The following DCLK3 variants were observed in gnomAD, a reference collection of about 807,000 sequenced individuals.
DCLK3 encodes doublecortin like kinase 3.
In DCLK3, 30 loss-of-function variants were observed where a neutral mutation model predicts 46.4. The observed-to-expected ratio is 0.65, with a 90% CI of 0.48 to 0.88. The LOEUF (loss-of-function observed/expected upper bound fraction) is 0.88, where lower values mean the gene tolerates loss of function less well. Among genes scored for constraint, DCLK3 ranks in the 40% least tolerant of loss-of-function variants. The probability of loss-of-function intolerance (pLI) is 0.00; values close to 1 mark genes in which losing one functional copy is unlikely to be tolerated. For synonymous variants in DCLK3, 401 were observed against 339.2 expected, an observed-to-expected ratio of 1.18 and a Z score of -2.00; for missense variants, 846 against 907.1, an observed-to-expected ratio of 0.93 and a Z score of 0.87.
At position 36,737,690 on chromosome 3, in the gene DCLK3, C is replaced by G; in HGVS notation, c.1477G>C (p.Glu493Gln). Residue 493 changes from glutamate (E) to glutamine (Q), a missense_variant, in exon 2 of 5, where the codon GAG becomes CAG. This residue lies in a region of DCLK3 where 553 missense variants were observed against 543.0 expected (regional missense o/e 1.02). Coordinates refer to ENST00000636136, the MANE Select transcript of DCLK3 (RefSeq NM_001394672.2). The surrounding 1 kb of genome is among the most constrained non-coding windows in gnomAD (Gnocchi z 4.4). ...RDDQPAKLEK[E>Q]PKTRPEENKP... is the part of the protein sequence containing the mutation. ...TTCTCTTCTGGCCTCGTCTTGGGCT[C>G]CTTTTCTAGCTTTGCAGGTTGGTCA... The G allele has an allele frequency of 1.2e-6, 2 of 1,613,790 alleles. No individual in the cohort carries two copies. The highest frequency in any genetic ancestry group is 1.7e-6 in the Non-Finnish European group (2 of 1,179,928).
At chr3:36,741,874 G>A (rs142626452) in intron 1 of DCLK3, among the ~76,000 whole-genome samples, 1 of 152,168 alleles carries the variant, frequency 6.6e-6, no homozygotes, top group Non-Finnish European at 1.5e-5. Context: ...AGCAGACCTG[G>A]GGAGCTAAAT....
chr3:36,763,010 C>T (rs1317115376), intron 1 of DCLK3, among the ~76,000 whole-genome samples: 1 of 152,008 alleles, frequency 6.6e-6, no homozygotes, highest in Non-Finnish European at 1.5e-5. Flanking sequence ...CAATGCTTGC[C>T]TATTGCTGTA....
chr3:36,755,608 G>A (rs960527599), intron 1 of DCLK3, among the ~76,000 whole-genome samples: 2 of 152,074 alleles, frequency 1.3e-5, no homozygotes, highest in African/African-American at 4.8e-5. Flanking sequence ...TCAAACTACT[G>A]AAGAGGAGGG....
intron 1 of DCLK3, among the ~76,000 whole-genome samples, chr3:36,756,169 C>T (rs933336401): frequency 6.6e-6 from 1 of 152,254 alleles, no homozygotes; most frequent in Non-Finnish European, 1.5e-5. Context: ...GAGTAGGTTA[C>T]TGCTATGGCC....
chr3:36,720,001 C>T (rs756512183), intron 3 of DCLK3, among the ~76,000 whole-genome samples: 16 of 152,216 alleles, frequency 1.1e-4, no homozygotes, highest in Non-Finnish European at 1.6e-4. Flanking sequence ...CCAACTGATA[C>T]GGTTTGGATA....
intron 1 of DCLK3, among the ~76,000 whole-genome samples, chr3:36,748,985 T>C (rs555579846): frequency 3.3e-5 from 5 of 152,272 alleles, no homozygotes; most frequent in African/African-American, 1.2e-4. Flanking sequence ...GACCTCCCCC[T>C]GGGGACAGCT....
In DCLK3 at chr3:36,764,268, C is replaced by T. The variant is rs1701565794; in HGVS notation, c.-5G>A. The T allele has an allele frequency of 4.0e-6, 1 of 247,034 alleles. No individual in the cohort carries two copies. The highest frequency in any genetic ancestry group is 7.7e-6 in the Non-Finnish European group (1 of 130,514). 15.3% of individuals were successfully genotyped at this position (247,034 alleles called of 1,614,324 possible). A position where few individuals can be genotyped will look rare whatever the true frequency, so the allele number is the denominator to read the frequency against. On this transcript the variant is annotated 5_prime_UTR_variant, in exon 1 of 5. Transcript: ENST00000636136. This position sits in a 1 kb window ranked among gnomAD's most constrained non-coding sequence, Gnocchi z 4.9. ...GGCTGGAGTGGCGGCGGGCATGGCGCGGCGGCGGGCTCGGGGAGAGCCTGG... is the reference window on the plus strand; with the variant it reads ...GGCTGGAGTGGCGGCGGGCATGGCGTGGCGGCGGGCTCGGGGAGAGCCTGG...
At position 36,729,379 on chromosome 3, in the gene DCLK3, G is replaced by A. The variant is rs114411262; in HGVS notation, c.1960-7720C>T. Among the ~76,000 whole-genome samples, 389 of 152,146 alleles carry A rather than the reference G, an allele frequency of 2.6e-3. 1 individual carries two copies. The highest frequency in any genetic ancestry group is 8.8e-3 in the African/African-American group (367 of 41,520). Reference sequence around the variant, plus strand: ...CATGTTCTTGCTGGGGCTCATTTTCGGTTGTTCCCTAACTGAAAGGGTGTA... The same window carrying A: ...CATGTTCTTGCTGGGGCTCATTTTCAGTTGTTCCCTAACTGAAAGGGTGTA... On this transcript the variant is annotated intron_variant, in intron 2 of 4. Coordinates refer to ENST00000636136, the MANE Select transcript of DCLK3 (RefSeq NM_001394672.2).
chr3:36,716,064 A>G (rs1700976197), intron 4 of DCLK3, among the ~76,000 whole-genome samples: 1 of 152,258 alleles, frequency 6.6e-6, no homozygotes, highest in Non-Finnish European at 1.5e-5. Context: ...AAAACCGTGT[A>G]AAGAAATCTA....
rs1700940473 is a variant in DCLK3 at position 36,713,756 on chromosome 3, A to G, written c.*1572T>C. On this transcript the variant is annotated 3_prime_UTR_variant, in exon 5 of 5. Coordinates refer to ENST00000636136, the MANE Select transcript of DCLK3 (RefSeq NM_001394672.2). ...CAAGGGAGAAAGTGGGCTATGATGC[A>G]GTCTCAACCAACAGTTCAGCCAACC... 6.6e-6 allele frequency: 1 copy of G among 152,422 alleles called. No individual in the cohort carries two copies. Among genetic ancestry groups the G allele is most frequent in the African/African-American group, 2.4e-5 (1 of 41,464 alleles). 9.4% of individuals were successfully genotyped at this position (152,422 alleles called of 1,614,324 possible).
At chr3:36,731,260 A>G (rs573403733) in intron 2 of DCLK3, among the ~76,000 whole-genome samples, 6 of 152,184 alleles carry the variant, frequency 3.9e-5, no homozygotes, top group Non-Finnish European at 7.4e-5. Context: ...TCAGATGATC[A>G]TCTCAAATTC....
intron 1 of DCLK3, among the ~76,000 whole-genome samples, chr3:36,742,868 T>C (rs1701357898): frequency 1.3e-5 from 2 of 152,286 alleles, no homozygotes; most frequent in South Asian, 4.1e-4. Flanking sequence ...TCCGGGAACG[T>C]GCTCATGCCC....
At chr3:36,731,827 C>A (rs535076015) in intron 2 of DCLK3, among the ~76,000 whole-genome samples, 1 of 152,242 alleles carries the variant, frequency 6.6e-6, no homozygotes, top group African/African-American at 2.4e-5. Context: ...TCACATAAAC[C>A]CTAACATGTG....
intron 1 of DCLK3, among the ~76,000 whole-genome samples, chr3:36,757,129 C>T (rs1701492690): frequency 6.6e-6 from 1 of 151,854 alleles, no homozygotes; most frequent in African/African-American, 2.4e-5. Flanking sequence ...TATGTAATGC[C>T]AAAATTTTAA....
chr3:36,745,387 G>T (rs1164798694), intron 1 of DCLK3, among the ~76,000 whole-genome samples: 1 of 152,120 alleles, frequency 6.6e-6, no homozygotes, highest in Non-Finnish European at 1.5e-5. Flanking sequence ...AATCAAAATT[G>T]CTATAGGACT....
At chr3:36,731,918 T>C (rs745926387) in intron 2 of DCLK3, among the ~76,000 whole-genome samples, 3 of 152,194 alleles carry the variant, frequency 2.0e-5, no homozygotes, top group Non-Finnish European at 4.4e-5. Context: ...AAACTTGAGA[T>C]TTACTAAGCT....
At chr3:36,744,328 A>C (rs1327565160) in intron 1 of DCLK3, among the ~76,000 whole-genome samples, 1 of 152,240 alleles carries the variant, frequency 6.6e-6, no homozygotes, top group Non-Finnish European at 1.5e-5. Context: ...ACATTAGATA[A>C]GTGAGGTGAA....
At chr3:36,720,443 T>C (rs1466993344) in intron 3 of DCLK3, among the ~76,000 whole-genome samples, 2 of 152,026 alleles carry the variant, frequency 1.3e-5, no homozygotes, top group African/African-American at 4.8e-5. Context: ...CTCTGGTCCA[T>C]TGAGGCTAGT....
chr3:36,725,270 C>T (rs1701112613), intron 2 of DCLK3, among the ~76,000 whole-genome samples: 1 of 150,296 alleles, frequency 6.7e-6, no homozygotes, highest in African/African-American at 2.4e-5. Context: ...TGAGCTCGCG[C>T]CACTGCACTC....
Sources: gnomAD v4.1 joint callset for allele counts (sites outside exome capture counted in the v4.1 genomes callset) on GRCh38, gnomAD v4.1.1 for gene constraint, gnomAD v4.1.1 regional missense constraint, Gnocchi (gnomAD v3.1) non-coding constraint, MANE v1.5 for transcripts, NCBI Gene and HGNC (gene_info 2026-07-23, HGNC 2026-07-21) for gene names.